The following FSTL5 variants were observed in gnomAD, a reference collection of about 807,000 sequenced individuals.
FSTL5 encodes the protein follistatin-related protein 5.
In FSTL5, 62 loss-of-function variants were observed where a neutral mutation model predicts 89.1. The ratio of observed to expected loss-of-function variants is 0.70; its 90% CI spans 0.57 to 0.86. The LOEUF is 0.86. Ranked by LOEUF, FSTL5 falls within the 40% of genes least tolerant of loss-of-function variation. FSTL5 has a pLI of 0.00. For missense variants in FSTL5, 1,057 were observed against 1,001.6 expected, an observed-to-expected ratio of 1.06 and a Z score of -0.75; for synonymous variants, 383 against 346.2, an observed-to-expected ratio of 1.11 and a Z score of -1.18.
chr4:161,864,917 C>A (rs1372753743), intron 4 of FSTL5, among the ~76,000 whole-genome samples: 1 of 146,426 alleles, frequency 6.8e-6, no homozygotes, highest in African/African-American at 2.5e-5. Flanking sequence ...ATAATGAGTG[C>A]AATTCTGACT....
At chr4:161,674,832 A>G (rs929636762) in intron 6 of FSTL5, among the ~76,000 whole-genome samples, 25 of 152,212 alleles carry the variant, frequency 1.6e-4, no homozygotes, top group Admixed American at 6.6e-5. Context: ...TACTCTGTTT[A>G]GCAGAGAGTT....
intron 6 of FSTL5, among the ~76,000 whole-genome samples, chr4:161,757,909 G>T (rs1219600667): frequency 6.6e-6 from 1 of 152,082 alleles, no homozygotes; most frequent in Non-Finnish European, 1.5e-5. Context: ...ATGAGCCACT[G>T]CGCCCTGCCA....
chr4:161,726,532 T>C (rs1333479834), intron 6 of FSTL5, among the ~76,000 whole-genome samples: 2 of 152,064 alleles, frequency 1.3e-5, no homozygotes, highest in Non-Finnish European at 2.9e-5. Flanking sequence ...CTGGACAGGA[T>C]GCAACTCTCA....
At chr4:161,466,303 C>A (rs1393957037) in intron 13 of FSTL5, among the ~76,000 whole-genome samples, 1 of 152,032 alleles carries the variant, frequency 6.6e-6, no homozygotes, top group Non-Finnish European at 1.5e-5. Flanking sequence ...GCATATACAA[C>A]AAAGTTAAAA....
chr4:161,962,774 A>G (rs769640366), intron 3 of FSTL5, among the ~76,000 whole-genome samples: 3 of 152,002 alleles, frequency 2.0e-5, no homozygotes, highest in Non-Finnish European at 2.9e-5. Flanking sequence ...TCTTTAAGCC[A>G]CTATATAATT....
chr4:161,794,458 CATAT>C (rs969250348), intron 4 of FSTL5, among the ~76,000 whole-genome samples: 2 of 152,100 alleles, frequency 1.3e-5, no homozygotes, highest in African/African-American at 4.8e-5. Flanking sequence ...ATTGTTTGTG[CATAT>C]TAAGGTAATT....
At chr4:161,566,318 T>C (rs1040157237) in intron 8 of FSTL5, among the ~76,000 whole-genome samples, 5 of 151,798 alleles carry the variant, frequency 3.3e-5, no homozygotes, top group African/African-American at 9.7e-5. Context: ...TAGTATTCTA[T>C]GGTGTATATG....
chr4:161,413,637 G>A (rs2314104), intron 15 of FSTL5, among the ~76,000 whole-genome samples: 23,501 of 152,072 alleles, frequency 0.15, 1,937 homozygotes, highest in East Asian at 0.33. Flanking sequence ...GTTTATTACT[G>A]TGCTATTTAT....
intron 3 of FSTL5, among the ~76,000 whole-genome samples, chr4:161,993,322 A>C (rs1736192424): frequency 6.6e-6 from 1 of 152,050 alleles, no homozygotes; most frequent in Non-Finnish European, 1.5e-5. Flanking sequence ...AGATCAACTA[A>C]GAAAGAAAAA....
At position 161,791,981 on chromosome 4, in the gene FSTL5, G is replaced by A. The variant is rs188290764; in HGVS notation, c.410-15907C>T. Among the ~76,000 whole-genome samples, 478 of 152,252 alleles carry A rather than the reference G, an allele frequency of 3.1e-3. 12 individuals carry two copies. Among genetic ancestry groups the A allele is most frequent in the Admixed American group, 0.029 (436 of 15,292 alleles). The stretch of plus-strand genomic sequence containing the variant: ...GAACCAGGGCCCTTCCAAGATGGCC[G>A]GTTGGATGCCCCGCACTGCCAGGCA... On this transcript the variant is annotated intron_variant, in intron 4 of 15. Coordinates refer to ENST00000306100, the MANE Select transcript of FSTL5 (RefSeq NM_020116.5).
intron 15 of FSTL5, among the ~76,000 whole-genome samples, chr4:161,396,249 G>A (rs1296126151): frequency 6.6e-6 from 1 of 152,022 alleles, no homozygotes; most frequent in Non-Finnish European, 1.5e-5. Flanking sequence ...AAAATGTGGT[G>A]GGCCACACTA....
At chr4:161,489,769 ATT>A (rs1265768258) in intron 12 of FSTL5, among the ~76,000 whole-genome samples, 2 of 152,154 alleles carry the variant, frequency 1.3e-5, no homozygotes, top group African/African-American at 4.8e-5. Context: ...TCAATAAAAT[ATT>A]TGTTTTAAAT....
intron 13 of FSTL5, among the ~76,000 whole-genome samples, chr4:161,476,498 G>A (rs1734156243): frequency 6.6e-6 from 1 of 151,948 alleles, no homozygotes; most frequent in African/African-American, 2.4e-5. Context: ...AGCCACTGCT[G>A]TTTTTTTAAT....
At chr4:161,701,485 A>G (rs1738388954) in intron 6 of FSTL5, among the ~76,000 whole-genome samples, 1 of 152,108 alleles carries the variant, frequency 6.6e-6, no homozygotes, top group Non-Finnish European at 1.5e-5. Flanking sequence ...TTCCCTAAAA[A>G]GAAACAGAAC....
In FSTL5 at chr4:161,421,008, G is replaced by A. The variant is rs72989116; in HGVS notation, c.1841+33996C>T. Among the ~76,000 whole-genome samples the A allele has an allele frequency of 6.9e-3, 1,055 of 151,952 alleles. 10 individuals carry two copies. The highest frequency in any genetic ancestry group is 0.024 in the African/African-American group (975 of 41,444). ...CTATTAATATCTATACATTTCTATT[G>A]TAAAGGATTATTACAGACAGTGTAA... On this transcript the variant is annotated intron_variant, in intron 15 of 15. Coordinates refer to ENST00000306100, the MANE Select transcript of FSTL5 (RefSeq NM_020116.5).
At chr4:161,737,238 A>G (rs1739850044) in intron 6 of FSTL5, among the ~76,000 whole-genome samples, 1 of 152,154 alleles carries the variant, frequency 6.6e-6, no homozygotes, top group African/African-American at 2.4e-5. Flanking sequence ...ATGTCCATAA[A>G]GCAGTGTGGT....
At chr4:161,938,899 C>T (rs546698472) in intron 3 of FSTL5, among the ~76,000 whole-genome samples, 18 of 151,694 alleles carry the variant, frequency 1.2e-4, no homozygotes, top group Admixed American at 2.0e-4. Context: ...TGACATAAGG[C>T]ACGGAACAGG....
Position 161,386,349 on chromosome 4 carries a change from C to T in FSTL5, c.1942G>A (p.Val648Ile), listed in dbSNP as rs150697984. Residue 648 changes from valine to isoleucine, a missense_variant, in exon 16 of 16, where the codon GTT becomes ATT. This residue lies in a region of FSTL5 where 980 missense variants were observed against 903.2 expected (regional missense o/e 1.08). Transcript: ENST00000306100. Reference protein sequence around the residue: ...KTINLKDYKCVPQSLAYTHLG... With the variant: ...KTINLKDYKCIPQSLAYTHLG... ...TGTGTATATGCCAATGACTGAGGAA[C>T]GCACTTATAGTCCTTCAAGTTAATT... 6.8e-5 allele frequency: 110 copies of T among 1,613,850 alleles called. No individual in the cohort carries two copies. The African/African-American group carries it at 8.1e-4, about 12-fold the overall frequency.
intron 3 of FSTL5, among the ~76,000 whole-genome samples, chr4:162,004,792 A>G (rs909653406): frequency 6.6e-6 from 1 of 152,182 alleles, no homozygotes; most frequent in Non-Finnish European, 1.5e-5. Context: ...CTATAAAAGT[A>G]GTAATGATCA....
Sources: gnomAD v4.1 joint callset for allele counts (sites outside exome capture counted in the v4.1 genomes callset) on GRCh38, gnomAD v4.1.1 for gene constraint, gnomAD v4.1.1 regional missense constraint, MANE v1.5 for transcripts, NCBI Gene and HGNC (gene_info 2026-07-23, HGNC 2026-07-21) for gene names.